Variants in RALGAPB observed in about 807,000 individuals in gnomAD.
RALGAPB encodes the protein Ral GTPase activating protein non-catalytic subunit beta, also known as ral GTPase-activating protein subunit beta.
In RALGAPB, 25 loss-of-function variants were observed where a neutral mutation model predicts 161.1. That is an observed-to-expected ratio of 0.16 (90% CI 0.11 to 0.22). The LOEUF is 0.22. Among genes scored for constraint, RALGAPB ranks in the 10% least tolerant of loss-of-function variants. The pLI, the probability that RALGAPB is intolerant of heterozygous loss-of-function variation, is 1.00. For missense variants in RALGAPB, 1,391 were observed against 1,815.2 expected (o/e 0.77, Z 4.25); for synonymous variants, 629 against 626.1 (o/e 1.00, Z -0.07).
chr20:38,535,236 C>A (rs6070496), intron 16 of RALGAPB, 29 bp downstream of exon 16: 24,446 of 1,612,516 alleles, frequency 0.015, 233 homozygotes, highest in Non-Finnish European at 0.017. Flanking sequence ...TTATTTTAAC[C>A]CAACAGCCTT....
intron 10 of RALGAPB, 74 bp downstream of exon 10, chr20:38,521,772 C>A: frequency 6.8e-7 from 1 of 1,462,200 alleles, no homozygotes; most frequent in Non-Finnish European, 9.5e-7. Flanking sequence ...GCCGACTGAA[C>A]CGATGAGTGA....
At chr20:38,504,019 T>C (rs971308235) in intron 5 of RALGAPB, among the ~76,000 whole-genome samples, 9 of 152,172 alleles carry the variant, frequency 5.9e-5, no homozygotes, top group African/African-American at 1.9e-4. Flanking sequence ...AATCTACAGA[T>C]TCAACACTAT....
intron 26 of RALGAPB, among the ~76,000 whole-genome samples, chr20:38,567,472 T>C (rs1391510752): frequency 2.6e-5 from 4 of 152,228 alleles, no homozygotes; most frequent in Non-Finnish European, 4.4e-5. Flanking sequence ...CCGTACTTGA[T>C]TCTCTCATCT....
At chr20:38,524,489 GA>G (rs962411281) in intron 10 of RALGAPB, among the ~76,000 whole-genome samples, 2 of 78,236 alleles carry the variant, frequency 2.6e-5, no homozygotes, top group Admixed American at 1.6e-4. Context: ...CAACAGACAT[GA>G]ATTTTTTTTT....
intron 18 of RALGAPB, among the ~76,000 whole-genome samples, chr20:38,543,271 C>G (rs1483892930): frequency 6.6e-6 from 1 of 152,208 alleles, no homozygotes; most frequent in African/African-American, 2.4e-5. Flanking sequence ...GCCAGTTATG[C>G]AAACACAGAA....
chr20:38,496,150 C>T (rs574919978), intron 3 of RALGAPB, among the ~76,000 whole-genome samples: 106 of 152,198 alleles, frequency 7.0e-4, no homozygotes, highest in Non-Finnish European at 1.2e-3. Flanking sequence ...AACATCTCCC[C>T]GCTCCTGGAG....
intron 10 of RALGAPB, among the ~76,000 whole-genome samples, chr20:38,522,247 G>A (rs79933950): frequency 3.3e-5 from 5 of 152,334 alleles, no homozygotes; most frequent in East Asian, 1.9e-4. Context: ...AGGATGAGTA[G>A]CATTTAGCCT....
Position 38,525,398 on chromosome 20 carries a change from T to G in RALGAPB, c.1788-6T>G. ...AAAATACTAATAGCTTTTTATTTTT[T>G]GGCAGAGAACTCTCAAAATTCAAAA... On this transcript the variant is annotated splice_region_variant and splice_polypyrimidine_tract_variant and intron_variant, in intron 11 of 29. Transcript: ENST00000262879. 2 of 1,561,042 alleles carry G rather than the reference T, an allele frequency of 1.3e-6. No homozygotes were observed. The highest frequency in any genetic ancestry group is 1.9e-5 in the Admixed American group (1 of 52,958).
At chr20:38,570,257 G>A (rs1442543130) in intron 27 of RALGAPB, among the ~76,000 whole-genome samples, 2 of 152,112 alleles carry the variant, frequency 1.3e-5, no homozygotes, top group East Asian at 1.9e-4. Flanking sequence ...ATTCATGTTG[G>A]CATCACAGTC....
chr20:38,563,691 T>C (rs771774059), intron 24 of RALGAPB, among the ~76,000 whole-genome samples: 3 of 152,250 alleles, frequency 2.0e-5, no homozygotes, highest in Admixed American at 6.5e-5. Flanking sequence ...TGGATACTTA[T>C]GGTTGCAAGT....
At chr20:38,574,707 A>G in intron 29 of RALGAPB, 67 bp from the exon 30 acceptor site, 2 of 1,435,900 alleles carry the variant, frequency 1.4e-6, no homozygotes, top group Non-Finnish European at 2.0e-6. Context: ...GTTCACCTGA[A>G]TACTTACAGT....
chr20:38,484,099 AAC>A (rs1392394542), intron 1 of RALGAPB, among the ~76,000 whole-genome samples: 1 of 152,086 alleles, frequency 6.6e-6, no homozygotes, highest in Non-Finnish European at 1.5e-5. Context: ...GAATTGCTTG[AAC>A]CCAGGAGGCG....
intron 4 of RALGAPB, 110 bp downstream of exon 4, chr20:38,497,626 TACAA>T (rs1406688964): frequency 1.4e-5 from 17 of 1,202,578 alleles, no homozygotes; most frequent in Non-Finnish European, 8.1e-6. Context: ...CATGATGGTT[TACAA>T]ACAAAGGTTA....
intron 6 of RALGAPB, among the ~76,000 whole-genome samples, chr20:38,510,899 G>C (rs2085924460): frequency 8.6e-6 from 1 of 116,148 alleles, no homozygotes; most frequent in Admixed American, 7.7e-5. Context: ...GACAGAGCGA[G>C]ACTCCGTCTC....
At chr20:38,567,280 G>T in intron 26 of RALGAPB, 48 bp downstream of exon 26, 1 of 1,586,300 alleles carries the variant, frequency 6.3e-7, no homozygotes, top group Non-Finnish European at 8.6e-7. Flanking sequence ...GTGAAATCAG[G>T]GTAATTATAG....
Position 38,576,693 on chromosome 20 carries a change from TAA to T in RALGAPB, c.*1730_*1731del, listed in dbSNP as rs2088450919. On this transcript the variant is annotated 3_prime_UTR_variant, in exon 30 of 30. Transcript: ENST00000262879. ...GGATAAAGATGAGCAAATTCTACCC[TAA>T]AAATGTTCTAGTAGTTCACAGGAAG... 6.6e-6 allele frequency: 1 copy of T among 152,610 alleles called. No individual in the cohort carries two copies. The highest frequency in any genetic ancestry group is 2.4e-5 in the African/African-American group (1 of 41,460). The allele number at this position is 152,610 out of a possible 1,614,324, so 9.5% of individuals were successfully genotyped here.
intron 16 of RALGAPB, chr20:38,537,839 G>T (rs556620462): frequency 2.0e-5 from 3 of 152,178 alleles, no homozygotes; most frequent in Non-Finnish European, 4.4e-5. Context: ...TCAGAAGCTT[G>T]CAGAAGGTGA....
chr20:38,501,656 C>T (rs775024201), intron 5 of RALGAPB, among the ~76,000 whole-genome samples: 7 of 152,254 alleles, frequency 4.6e-5, no homozygotes, highest in South Asian at 4.1e-4. Flanking sequence ...CCACCCATCT[C>T]AGCCTCCCAA....
chr20:38,480,169 C>T (rs1223285455), intron 1 of RALGAPB, among the ~76,000 whole-genome samples: 2 of 151,278 alleles, frequency 1.3e-5, no homozygotes, highest in African/African-American at 2.4e-5. Context: ...AACTTTTGCT[C>T]ATTTTCTGCC....
Sources: allele counts gnomAD v4.1 joint callset (sites outside exome capture counted in the v4.1 genomes callset), GRCh38; gene constraint gnomAD v4.1.1; transcripts MANE v1.5; gene names NCBI Gene and HGNC (gene_info 2026-07-23, HGNC 2026-07-21).